Variants in MGRN1 observed in about 807,000 individuals in gnomAD.
MGRN1 encodes the protein mahogunin ring finger 1.
A neutral mutation model predicts 69.2 loss-of-function variants in MGRN1; 29 were observed. The ratio of observed to expected loss-of-function variants is 0.42; its 90% CI spans 0.31 to 0.57. MGRN1 has a LOEUF of 0.57. Among genes scored for constraint, MGRN1 ranks in the 20% least tolerant of loss-of-function variants. MGRN1 has a pLI of 0.15. For missense variants in MGRN1, 998 were observed against 796.2 expected, an observed-to-expected ratio of 1.25 and a Z score of -3.05; for synonymous variants, 470 against 344.2, an observed-to-expected ratio of 1.37 and a Z score of -4.04.
Position 4,652,748 on chromosome 16 carries a change from A to G in MGRN1, c.367A>G (p.Thr123Ala). 1 of 1,612,924 alleles carries G rather than the reference A, an allele frequency of 6.2e-7. No individual in the cohort carries two copies. Among genetic ancestry groups the G allele is most frequent in the South Asian group, 1.1e-5 (1 of 90,888 alleles). Reference sequence around the variant, plus strand: ...CCGGGTGCTCTACAGCCTGGAGTTCACCTTCGACGCCGATGCCCGCGTGGC... The same window carrying G: ...CCGGGTGCTCTACAGCCTGGAGTTCGCCTTCGACGCCGATGCCCGCGTGGC... ...KPRVLYSLEF[T>A]FDADARVAIT... The change falls in exon 4 of 17, where the codon ACC (threonine) becomes GCC (alanine). Residue 123 changes from threonine (T) to alanine (A), a missense_variant. By Grantham distance (58) the Thr-to-Ala change is moderately conservative. Transcript: ENST00000262370.
intron 8 of MGRN1, among the ~76,000 whole-genome samples, chr16:4,670,636 C>A (rs762569930): frequency 6.6e-6 from 1 of 152,232 alleles, no homozygotes; most frequent in Non-Finnish European, 1.5e-5. Flanking sequence ...AGGAGGATTG[C>A]TTGAGCCTGG....
At chr16:4,658,008 C>G (rs2078590929) in intron 5 of MGRN1, among the ~76,000 whole-genome samples, 1 of 151,308 alleles carries the variant, frequency 6.6e-6, no homozygotes, top group South Asian at 2.1e-4. Flanking sequence ...TCCCAAAGTG[C>G]TGGGATTACA....
At chr16:4,670,106 C>G (rs191642780) in intron 8 of MGRN1, among the ~76,000 whole-genome samples, 13 of 151,814 alleles carry the variant, frequency 8.6e-5, no homozygotes, top group Admixed American at 8.5e-4. Flanking sequence ...GCTCTGTTGC[C>G]CAGGCTGGAA....
Position 4,682,937 on chromosome 16 carries a change from C to G in MGRN1, c.1473C>G (p.Ser491Arg). 6.3e-7 allele frequency: 1 copy of G among 1,589,658 alleles called. No homozygotes were observed. The highest frequency in any genetic ancestry group is 8.6e-7 in the Non-Finnish European group (1 of 1,165,462). ...GGAELALRES[S>R]SPESFITEEV... ...CAGAGCTGGCCCTGCGGGAAAGCAG[C>G]TCCCCTGAGGTGAGGCCCCCCCGGG... The change falls in exon 14 of 17, where the codon AGC (serine) becomes AGG (arginine). Residue 491 changes from serine to arginine, a missense_variant. Physicochemically the swap from Ser to Arg is moderately radical, Grantham distance 110. Transcript: ENST00000262370.
chr16:4,679,807 C>A (rs1437559011), intron 11 of MGRN1, among the ~76,000 whole-genome samples: 5 of 152,170 alleles, frequency 3.3e-5, no homozygotes, highest in Non-Finnish European at 7.3e-5. Flanking sequence ...TCCACAGCCT[C>A]CCCACTGCAG....
intron 3 of MGRN1, 113 bp downstream of exon 3, chr16:4,652,164 C>T (rs555357345): frequency 1.7e-5 from 16 of 964,264 alleles, no homozygotes; most frequent in South Asian, 3.0e-5. Context: ...CCAGTTTCTG[C>T]GCCCTCCCGT....
intron 13 of MGRN1, 28 bp downstream of exon 13, chr16:4,681,804 G>A: frequency 1.2e-6 from 2 of 1,600,150 alleles, no homozygotes; most frequent in Non-Finnish European, 8.5e-7. Context: ...CAGGTGCATG[G>A]CAGGGTGTGT....
Position 4,688,838 on chromosome 16 carries a change from C to A in MGRN1, c.1661C>A (p.Thr554Asn). 6.4e-7 allele frequency: 1 copy of A among 1,554,378 alleles called. No homozygotes were observed. The change falls in exon 17 of 17, where the codon ACC becomes AAC. Residue 554 changes from threonine (T) to asparagine (N), a missense_variant. Thr to Asn is a moderately conservative substitution (Grantham distance 65). Coordinates refer to ENST00000262370, the MANE Select transcript of MGRN1 (RefSeq NM_015246.4). ...GAGACGGCCCACGGCCTCGCCACCA[C>A]CAGCCCCACCTGGCCTCCACTTGGT... ...SMETAHGLAT[T>N]SPTWPPLGGP...
At chr16:4,657,169 C>T in intron 4 of MGRN1, 77 bp from the exon 5 acceptor site, 2 of 1,366,850 alleles carry the variant, frequency 1.5e-6, no homozygotes, top group Admixed American at 1.7e-5. Flanking sequence ...GCCCTTCCAG[C>T]TGTCGGAGTG....
chr16:4,688,344 G>A (rs1043576330), intron 16 of MGRN1: 20 of 990,894 alleles, frequency 2.0e-5, no homozygotes, highest in Non-Finnish European at 2.2e-5. Context: ...GCCATCCGGG[G>A]GCTACTCTGA....
chr16:4,688,157 G>A (rs2079376158), intron 16 of MGRN1: 1 of 985,440 alleles, frequency 1.0e-6, no homozygotes, highest in African/African-American at 1.7e-5. Context: ...CAGGGCTGGT[G>A]GCTGGGTGTC....
At chr16:4,652,630 C>T (rs764340153) in intron 3 of MGRN1, 48 bp from the exon 4 acceptor site, 2 of 1,567,830 alleles carry the variant, frequency 1.3e-6, no homozygotes, top group South Asian at 1.2e-5. Context: ...GCAGCCTCCG[C>T]AGATGGGGCC....
intron 1 of MGRN1, among the ~76,000 whole-genome samples, chr16:4,625,721 C>T (rs8056746): frequency 1.3e-5 from 2 of 152,132 alleles, no homozygotes; most frequent in Non-Finnish European, 2.9e-5. Flanking sequence ...CCGGGACCAG[C>T]TGTGGGGCTC....
intron 10 of MGRN1, among the ~76,000 whole-genome samples, chr16:4,673,858 G>C (rs1418670055): frequency 6.6e-6 from 1 of 152,222 alleles, no homozygotes; most frequent in Non-Finnish European, 1.5e-5. Context: ...CGCTAGCACG[G>C]GGCATTCAGA....
intron 7 of MGRN1, among the ~76,000 whole-genome samples, chr16:4,667,053 G>C (rs1341355057): frequency 1.3e-5 from 2 of 152,214 alleles, no homozygotes; most frequent in Non-Finnish European, 2.9e-5. Context: ...GCCGTTGCAG[G>C]TCTGCGTGGC....
Position 4,652,680 on chromosome 16 carries a change from A to T in MGRN1, c.299A>T (p.Tyr100Phe). Residue 100 changes from tyrosine (Y) to phenylalanine (F), a missense_variant and splice_region_variant, in exon 4 of 17, where the codon TAC (tyrosine) becomes TTC (phenylalanine). Coordinates refer to ENST00000262370, the MANE Select transcript of MGRN1 (RefSeq NM_015246.4). The part of the protein sequence containing the change: ...IRKDSLRLVR[Y>F]KDDADSPTED... Reference sequence around the variant, plus strand: ...TTTCTCTCCACCGCCTGGGGTAGGTACAAAGACGATGCCGACAGCCCCACC... The same window carrying T: ...TTTCTCTCCACCGCCTGGGGTAGGTTCAAAGACGATGCCGACAGCCCCACC... 10 of 1,612,252 alleles carry T rather than the reference A, an allele frequency of 6.2e-6. No individual in the cohort carries two copies. Among genetic ancestry groups the T allele is most frequent in the Non-Finnish European group, 8.5e-6 (10 of 1,179,158 alleles).
chr16:4,682,093 C>G (rs1213368032), intron 13 of MGRN1, among the ~76,000 whole-genome samples: 1 of 152,202 alleles, frequency 6.6e-6, no homozygotes, highest in Non-Finnish European at 1.5e-5. Flanking sequence ...AGGGGAGCCC[C>G]TTTGAGCCTC....
At chr16:4,652,448 GTC>G (rs577723307) in intron 3 of MGRN1, among the ~76,000 whole-genome samples, 30 of 152,286 alleles carry the variant, frequency 2.0e-4, no homozygotes, top group African/African-American at 7.0e-4. Flanking sequence ...ATCTGGGGCT[GTC>G]TCTGAACCAA....
At chr16:4,659,532 G>A (rs2078628516) in intron 5 of MGRN1, among the ~76,000 whole-genome samples, 1 of 152,198 alleles carries the variant, frequency 6.6e-6, no homozygotes. Context: ...GAATCACGAT[G>A]CCCCCAGTTG....
Sources: allele counts gnomAD v4.1 joint callset (sites outside exome capture counted in the v4.1 genomes callset), GRCh38; gene constraint gnomAD v4.1.1; transcripts MANE v1.5; gene names NCBI Gene and HGNC (gene_info 2026-07-23, HGNC 2026-07-21).